The following BRINP3 variants were observed in gnomAD, a reference collection of about 807,000 sequenced individuals.
BRINP3 encodes BMP/retinoic acid-inducible neural-specific protein 3.
A neutral mutation model predicts 71.0 loss-of-function variants in BRINP3; 19 were observed. The ratio of observed to expected loss-of-function variants is 0.27; its 90% confidence interval spans 0.19 to 0.39. The LOEUF (loss-of-function observed/expected upper bound fraction) is 0.39, where lower values mean the gene tolerates loss of function less well. Ranked by LOEUF, BRINP3 falls within the 10% of genes least tolerant of loss-of-function variation. BRINP3 has a pLI of 1.00. For synonymous variants in BRINP3, 380 were observed against 337.7 expected, an observed-to-expected ratio of 1.13 and a Z score of -1.37; for missense variants, 959 against 940.8, an observed-to-expected ratio of 1.02 and a Z score of -0.25.
At chr1:190,392,031 A>T (rs1392435148) in intron 2 of BRINP3, among the ~76,000 whole-genome samples, 1 of 141,730 alleles carries the variant, frequency 7.1e-6, no homozygotes, top group East Asian at 2.1e-4. Context: ...GTATGATGTT[A>T]AAAACGGAAC....
intron 2 of BRINP3, among the ~76,000 whole-genome samples, chr1:190,401,930 C>CTA (rs201920040): frequency 3.2e-4 from 48 of 149,448 alleles, no homozygotes; most frequent in Admixed American, 4.0e-4. Flanking sequence ...CAATTAGCAA[C>CTA]TATATATATA....
At chr1:190,421,156 A>G (rs1673352290) in intron 2 of BRINP3, among the ~76,000 whole-genome samples, 1 of 151,684 alleles carries the variant, frequency 6.6e-6, no homozygotes, top group African/African-American at 2.4e-5. Flanking sequence ...GCTAATCACT[A>G]AATTCTCCAT....
chr1:190,098,553 T>C lies in BRINP3; in HGVS notation c.1766A>G (p.Asn589Ser), dbSNP rs369271962. 3 of 1,614,068 alleles carry C rather than the reference T, an allele frequency of 1.9e-6. No homozygotes were observed. Among genetic ancestry groups the C allele is most frequent in the Non-Finnish European group, 2.5e-6 (3 of 1,180,032 alleles). The change falls in exon 8 of 8, where the codon AAT becomes AGT. Residue 589 changes from asparagine (N) to serine (S), a missense_variant. By Grantham distance (46) the Asn-to-Ser change is conservative. Coordinates refer to ENST00000367462, the MANE Select transcript of BRINP3 (RefSeq NM_199051.3). ...CTCCCAGTCTGGAAAGCTGTTTTCATTCACAGGCATAAACCAGCTCTCAGA... is the reference window on the plus strand; with the variant it reads ...CTCCCAGTCTGGAAAGCTGTTTTCACTCACAGGCATAAACCAGCTCTCAGA... ...SHSESWFMPV[N>S]ENSFPDWERT...
rs1421673347 is a variant in BRINP3, at chr1:190,203,070, C to T, written c.961+23012G>A. On this transcript the variant is annotated intron_variant, in intron 6 of 7. Coordinates refer to ENST00000367462, the MANE Select transcript of BRINP3 (RefSeq NM_199051.3). The stretch of plus-strand genomic sequence containing the variant: ...GGCTTAATCCATGGAAAATGTATTA[C>T]CATTTTGACTTGCATTCAATTTTCT... Among the ~76,000 whole-genome samples the T allele has an allele frequency of 2.0e-5, 3 of 151,986 alleles. No homozygotes were observed. In the East Asian group the frequency reaches 5.8e-4, roughly 29 times the overall value.
chr1:190,412,414 T>TATATATATATAC (rs1553314831), intron 2 of BRINP3, among the ~76,000 whole-genome samples: 16 of 141,270 alleles, frequency 1.1e-4, no homozygotes, highest in Admixed American at 4.2e-4. Flanking sequence ...TATATATATA[T>TATATATATATAC]ACACTTTTTT....
chr1:190,444,915 G>A (rs945251999), intron 2 of BRINP3, among the ~76,000 whole-genome samples: 1 of 152,124 alleles, frequency 6.6e-6, no homozygotes, highest in Non-Finnish European at 1.5e-5. Context: ...AATAAGATAC[G>A]TACGTCCTTT....
chr1:190,325,275 TG>T (rs1666505275), intron 2 of BRINP3, among the ~76,000 whole-genome samples: 1 of 151,996 alleles, frequency 6.6e-6, no homozygotes, highest in Admixed American at 6.6e-5. Context: ...ATAAATAATT[TG>T]TAGATTCAAG....
At chr1:190,276,247 A>C (rs1352620526) in intron 3 of BRINP3, among the ~76,000 whole-genome samples, 1 of 151,650 alleles carries the variant, frequency 6.6e-6, no homozygotes, top group Non-Finnish European at 1.5e-5. Flanking sequence ...TTGGTGGATT[A>C]ACTTTATTAT....
intron 2 of BRINP3, among the ~76,000 whole-genome samples, chr1:190,452,761 G>A (rs1195247717): frequency 6.6e-6 from 1 of 152,154 alleles, no homozygotes; most frequent in East Asian, 1.9e-4. Context: ...GGAGCCTGAG[G>A]CAGGAGAATC....
intron 2 of BRINP3, among the ~76,000 whole-genome samples, chr1:190,327,352 GAAAA>G (rs796445574): frequency 2.2e-3 from 168 of 77,418 alleles, no homozygotes; most frequent in Middle Eastern, 7.7e-3. Context: ...AAAAAAAAAG[GAAAA>G]AAAAAAAAGA....
At chr1:190,115,528 C>T (rs1653056617) in intron 7 of BRINP3, among the ~76,000 whole-genome samples, 1 of 151,994 alleles carries the variant, frequency 6.6e-6, no homozygotes, top group Non-Finnish European at 1.5e-5. Flanking sequence ...TTTCTACGTC[C>T]CAGGTTTTCT....
rs572444875 is a variant in BRINP3, at chr1:190,433,461, G to T, written c.236+21194C>A. On this transcript the variant is annotated intron_variant, in intron 2 of 7. Coordinates refer to ENST00000367462, the MANE Select transcript of BRINP3 (RefSeq NM_199051.3). ...AGTCCTTTTTCTGATGAGTGATTCT[G>T]CTATTTTCTTTGCCTGGAATGTGTT... is the stretch of plus-strand genomic sequence containing the variant. Among the ~76,000 whole-genome samples, 78 of 152,170 alleles carry T rather than the reference G, an allele frequency of 5.1e-4. 1 individual carries two copies. The highest frequency in any genetic ancestry group is 1.8e-3 in the African/African-American group (73 of 41,510).
chr1:190,337,971 T>C (rs927339026), intron 2 of BRINP3, among the ~76,000 whole-genome samples: 1 of 152,040 alleles, frequency 6.6e-6, no homozygotes, highest in African/African-American at 2.4e-5. Flanking sequence ...ATATGAAAGA[T>C]ATTTTGCTTG....
chr1:190,102,656 G>T (rs999994459), intron 7 of BRINP3, among the ~76,000 whole-genome samples: 7 of 151,948 alleles, frequency 4.6e-5, no homozygotes, highest in African/African-American at 1.7e-4. Context: ...AAAGGGAGGG[G>T]ATAAATACAT....
At chr1:190,215,806 A>T (rs1005037620) in intron 6 of BRINP3, among the ~76,000 whole-genome samples, 2 of 152,062 alleles carry the variant, frequency 1.3e-5, no homozygotes, top group Middle Eastern at 3.4e-3. Flanking sequence ...CGATGCTGAT[A>T]AAGACATATG....
chr1:190,393,857 A>G (rs1671409623), intron 2 of BRINP3, among the ~76,000 whole-genome samples: 1 of 151,560 alleles, frequency 6.6e-6, no homozygotes. Flanking sequence ...TCAGTTTTAA[A>G]AAGTGTTTTA....
intron 7 of BRINP3, among the ~76,000 whole-genome samples, chr1:190,146,316 A>G (rs1431508007): frequency 6.6e-6 from 1 of 152,194 alleles, no homozygotes; most frequent in Non-Finnish European, 1.5e-5. Flanking sequence ...GGGAATTAAT[A>G]TAACCTTAAA....
chr1:190,209,844 T>A (rs1397727194), intron 6 of BRINP3, among the ~76,000 whole-genome samples: 1 of 152,284 alleles, frequency 6.6e-6, no homozygotes, highest in East Asian at 1.9e-4. Context: ...GCAGTTTATA[T>A]AAATTACACA....
intron 4 of BRINP3, among the ~76,000 whole-genome samples, chr1:190,253,102 T>C (rs1443362386): frequency 2.6e-5 from 4 of 152,160 alleles, no homozygotes; most frequent in Admixed American, 6.5e-5. Flanking sequence ...GCAAAGGACA[T>C]GAACTCATCA....
Sources: gnomAD v4.1 joint callset for allele counts (sites outside exome capture counted in the v4.1 genomes callset) on GRCh38, gnomAD v4.1.1 for gene constraint, MANE v1.5 for transcripts, NCBI Gene and HGNC (gene_info 2026-07-23, HGNC 2026-07-21) for gene names.